Variants in KCNN2 observed in about 807,000 individuals in gnomAD.
KCNN2 encodes small conductance calcium-activated potassium channel protein 2.
In KCNN2, 24 loss-of-function variants were observed where a neutral mutation model predicts 55.5. The ratio of observed to expected loss-of-function variants is 0.43; its 90% confidence interval spans 0.31 to 0.61. The LOEUF (loss-of-function observed/expected upper bound fraction) is 0.61, where lower values mean the gene tolerates loss of function less well. Among genes scored for constraint, KCNN2 ranks in the 20% least tolerant of loss-of-function variants. The pLI is 0.08. For missense variants in KCNN2, 754 were observed against 853.6 expected, an observed-to-expected ratio of 0.88 and a Z score of 1.45; for synonymous variants, 431 against 336.1, an observed-to-expected ratio of 1.28 and a Z score of -3.09.
intron 3 of KCNN2, among the ~76,000 whole-genome samples, chr5:114,440,198 GA>G (rs1760156677): frequency 6.6e-6 from 1 of 152,056 alleles, no homozygotes; most frequent in South Asian, 2.1e-4. Context: ...AAAAAGAAAA[GA>G]AAAAACTTGC....
intron 2 of KCNN2, among the ~76,000 whole-genome samples, chr5:114,223,353 T>C (rs1174446217): frequency 6.6e-6 from 1 of 152,210 alleles, no homozygotes; most frequent in Non-Finnish European, 1.5e-5. Context: ...ATGCTTATTT[T>C]CCCTTTCAAA....
Position 114,409,174 on chromosome 5 carries a change from C to T in KCNN2, c.1637+4318C>T, listed in dbSNP as rs191498637. ...CCAACTAAATGGCTTGTTAAGACTTCTTCCCAACGTAACGTTTTATCATTA... is the reference window on the plus strand; with the variant it reads ...CCAACTAAATGGCTTGTTAAGACTTTTTCCCAACGTAACGTTTTATCATTA... On this transcript the variant is annotated intron_variant, in intron 3 of 7. Transcript: ENST00000673685. Among the ~76,000 whole-genome samples the T allele has an allele frequency of 5.1e-4, 77 of 152,194 alleles. No homozygotes were observed. The South Asian group carries it at 9.3e-3, about 18-fold the overall frequency.
At chr5:114,183,971 TTAAAA>T (rs1337993371) in intron 1 of KCNN2, among the ~76,000 whole-genome samples, 5 of 152,122 alleles carry the variant, frequency 3.3e-5, no homozygotes, top group African/African-American at 1.2e-4. Flanking sequence ...TCCTAGAAAA[TTAAAA>T]TAAAATGCTG....
chr5:114,246,569 A>G (rs974072439), intron 2 of KCNN2, among the ~76,000 whole-genome samples: 2 of 151,968 alleles, frequency 1.3e-5, no homozygotes, highest in Admixed American at 6.5e-5. Context: ...ACCATTATAT[A>G]AAAGTAAAAA....
chr5:114,115,262 C>T (rs1751687835), intron 1 of KCNN2, among the ~76,000 whole-genome samples: 1 of 152,074 alleles, frequency 6.6e-6, no homozygotes, highest in Non-Finnish European at 1.5e-5. Flanking sequence ...CTAATTTATG[C>T]AAATAATTTT....
intron 1 of KCNN2, among the ~76,000 whole-genome samples, chr5:114,134,360 G>A (rs1305933382): frequency 1.3e-5 from 2 of 151,400 alleles, no homozygotes; most frequent in African/African-American, 4.9e-5. Context: ...AAGTATAAGG[G>A]TCTAGCAATT....
chr5:114,291,779 A>G (rs920304207), intron 2 of KCNN2, among the ~76,000 whole-genome samples: 1 of 152,218 alleles, frequency 6.6e-6, no homozygotes, highest in African/African-American at 2.4e-5. Context: ...GACTTCCATA[A>G]TGGTTGAACT....
At chr5:114,071,538 C>T (rs1054683360) in intron 1 of KCNN2, among the ~76,000 whole-genome samples, 3 of 152,152 alleles carry the variant, frequency 2.0e-5, no homozygotes, top group African/African-American at 7.2e-5. Context: ...ACTGAAATAA[C>T]AGTTGAGTTG....
chr5:114,080,664 A>G (rs567602022), intron 1 of KCNN2, among the ~76,000 whole-genome samples: 2 of 152,202 alleles, frequency 1.3e-5, no homozygotes, highest in Non-Finnish European at 2.9e-5. Flanking sequence ...AAACATAGTA[A>G]GAATAGTAGG....
In KCNN2 at chr5:114,344,695, C is replaced by G. The variant is rs375854935; in HGVS notation, c.-184-16250C>G. Among the ~76,000 whole-genome samples the G allele has an allele frequency of 1.2e-4, 19 of 152,320 alleles. 1 individual carries two copies. The East Asian group carries it at 2.5e-3, about 20-fold the overall frequency. On this transcript the variant is annotated intron_variant, in intron 2 of 10. Coordinates refer to the KCNN2 transcript ENST00000512097. ...GAGTCCATCATGAATAACAAAAACA[C>G]TCCTATCACTTGGGAGAGTCTAAGC...
At chr5:114,183,005 A>T (rs1345359112) in intron 1 of KCNN2, among the ~76,000 whole-genome samples, 1 of 152,124 alleles carries the variant, frequency 6.6e-6, no homozygotes, top group African/African-American at 2.4e-5. Flanking sequence ...GATTTTTTAT[A>T]GATGTCTTAA....
intron 3 of KCNN2, among the ~76,000 whole-genome samples, chr5:114,422,670 A>G (rs1759504622): frequency 6.6e-6 from 1 of 152,242 alleles, no homozygotes; most frequent in Non-Finnish European, 1.5e-5. Flanking sequence ...AGGATCATAT[A>G]TTATTTAAGT....
At chr5:114,167,081 A>G (rs997539449) in intron 1 of KCNN2, among the ~76,000 whole-genome samples, 1 of 152,150 alleles carries the variant, frequency 6.6e-6, no homozygotes, top group African/African-American at 2.4e-5. Flanking sequence ...AAGATATTTC[A>G]TTCAATTGCC....
intron 1 of KCNN2, among the ~76,000 whole-genome samples, chr5:114,171,379 A>C (rs1453964526): frequency 6.6e-6 from 1 of 152,008 alleles, no homozygotes; most frequent in African/African-American, 2.4e-5. Context: ...GTTGTTTCTC[A>C]TTGCCTTGCA....
At chr5:114,105,874 A>G (rs1482651007) in intron 1 of KCNN2, among the ~76,000 whole-genome samples, 1 of 151,988 alleles carries the variant, frequency 6.6e-6, no homozygotes. Context: ...TGTAATTTCC[A>G]TCAATATTAT....
intron 5 of KCNN2, 54 bp downstream of exon 5, chr5:114,473,218 G>GTTAGGAAATATGGTTT: frequency 4.3e-6 from 5 of 1,165,788 alleles, no homozygotes; most frequent in Non-Finnish European, 2.5e-6. Flanking sequence ...TTTTTTCAGT[G>GTTAGGAAATATGGTTT]TTAGGAAATA....
intron 3 of KCNN2, among the ~76,000 whole-genome samples, chr5:114,448,447 G>A (rs1760510507): frequency 6.6e-6 from 1 of 152,182 alleles, no homozygotes; most frequent in African/African-American, 2.4e-5. Context: ...TTTTGGCATT[G>A]AAGTCTATAT....
intron 1 of KCNN2, among the ~76,000 whole-genome samples, chr5:114,084,215 G>A (rs77288564): frequency 1.3e-5 from 2 of 152,080 alleles, no homozygotes; most frequent in South Asian, 4.1e-4. Flanking sequence ...ATTACTGTAT[G>A]GTATAGCATG....
At chr5:114,265,098 C>T (rs1230807027) in intron 2 of KCNN2, among the ~76,000 whole-genome samples, 2 of 152,114 alleles carry the variant, frequency 1.3e-5, no homozygotes, top group African/African-American at 4.8e-5. Flanking sequence ...AACTCTTACA[C>T]ATCTTGGTGA....
Sources: allele counts gnomAD v4.1 joint callset (sites outside exome capture counted in the v4.1 genomes callset), GRCh38; gene constraint gnomAD v4.1.1; transcripts MANE v1.5; gene names NCBI Gene and HGNC (gene_info 2026-07-23, HGNC 2026-07-21).